Variants in MPHOSPH8 observed in about 807,000 individuals in gnomAD.
The protein encoded by MPHOSPH8 is M-phase phosphoprotein, mpp.
Under a neutral mutation model 87.3 loss-of-function variants are expected in MPHOSPH8, and 45 were observed. The observed-to-expected ratio is 0.52, with a 90% CI of 0.41 to 0.66. MPHOSPH8 has a LOEUF of 0.66. MPHOSPH8 is among the 30% of genes least tolerant of loss of function. The pLI, the probability that MPHOSPH8 is intolerant of heterozygous loss-of-function variation, is 0.00. For missense variants in MPHOSPH8, 883 were observed against 1,020.2 expected, an observed-to-expected ratio of 0.87 and a Z score of 1.83; for synonymous variants, 366 against 376.9, an observed-to-expected ratio of 0.97 and a Z score of 0.33.
intron 1 of MPHOSPH8, among the ~76,000 whole-genome samples, chr13:19,638,671 C>T (rs1021858707): frequency 6.6e-5 from 10 of 151,794 alleles, no homozygotes; most frequent in African/African-American, 1.5e-4. Context: ...AGTTCAGATT[C>T]TACTCAGTGC....
At chr13:19,650,863 G>A (rs1310369050) in intron 5 of MPHOSPH8, among the ~76,000 whole-genome samples, 3 of 152,140 alleles carry the variant, frequency 2.0e-5, no homozygotes, top group Non-Finnish European at 2.9e-5. Flanking sequence ...AGACTAGATC[G>A]CCTGGGAAAC....
intron 1 of MPHOSPH8, among the ~76,000 whole-genome samples, chr13:19,641,507 T>TTTTG (rs1874289340): frequency 8.6e-6 from 1 of 115,884 alleles, no homozygotes; most frequent in Non-Finnish European, 1.7e-5. Flanking sequence ...TTTTTTTTTT[T>TTTTG]GAGACAGAGT....
At position 19,650,236 on chromosome 13, in the gene MPHOSPH8, G is replaced by A. The variant is rs778330655; in HGVS notation, c.1552G>A (p.Val518Met). 5.0e-6 allele frequency: 8 copies of A among 1,613,894 alleles called. 1 individual carries two copies. Among genetic ancestry groups the A allele is most frequent in the African/African-American group, 2.7e-5 (2 of 75,032 alleles). Residue 518 changes from valine (V) to methionine (M), a missense_variant, in exon 5 of 14, where the codon GTG (valine) becomes ATG (methionine). Transcript: ENST00000361479. ...AGGTGATCAGGAGGTTTTAGACAGCGTGTGCCAAGCAGATGAGAATTCAGG... is the reference window on the plus strand; with the variant it reads ...AGGTGATCAGGAGGTTTTAGACAGCATGTGCCAAGCAGATGAGAATTCAGG... ...AEGDQEVLDS[V>M]CQADENSDGR...
chr13:19,634,805 ATC>A (rs1873906410), intron 1 of MPHOSPH8, among the ~76,000 whole-genome samples: 1 of 152,218 alleles, frequency 6.6e-6, no homozygotes, highest in Non-Finnish European at 1.5e-5. Flanking sequence ...TAAGAAAACA[ATC>A]TGTTTCAGTA....
chr13:19,657,566 C>CA lies in MPHOSPH8; in HGVS notation c.1577-1419dup, dbSNP rs1277524642. ...CTGGGGACAGAGCAAGACTCCGTCT[C>CA]AAAAAAAAAAGAAAAGAAAATCAAG... On this transcript the variant is annotated intron_variant, in intron 5 of 13. Coordinates refer to ENST00000361479, the MANE Select transcript of MPHOSPH8 (RefSeq NM_017520.4). 1.9e-3 allele frequency among the ~76,000 whole-genome samples: 276 copies of CA among 144,462 alleles called. 1 individual carries two copies. The highest frequency in any genetic ancestry group is 5.1e-3 in the African/African-American group (199 of 39,342). 94.8% of individuals were successfully genotyped at this position (144,462 alleles called of 152,430 possible).
intron 2 of MPHOSPH8, 120 bp from the exon 3 acceptor site, chr13:19,646,323 A>T: frequency 1.2e-6 from 1 of 861,588 alleles, no homozygotes. Flanking sequence ...AAGCAGTTTT[A>T]AGAAGTTGAG....
At chr13:19,660,078 C>T (rs1875436678) in intron 7 of MPHOSPH8, among the ~76,000 whole-genome samples, 1 of 150,314 alleles carries the variant, frequency 6.7e-6, no homozygotes, top group Non-Finnish European at 1.5e-5. Flanking sequence ...TCTCCTGCCT[C>T]AGCCTCCCGA....
intron 5 of MPHOSPH8, among the ~76,000 whole-genome samples, chr13:19,652,041 G>C (rs7334411): frequency 6.6e-5 from 10 of 152,088 alleles, no homozygotes; most frequent in African/African-American, 2.4e-4. Context: ...GGCAGAGGTT[G>C]TGGTGAGCCA....
intron 1 of MPHOSPH8, 75 bp from the exon 2 acceptor site, chr13:19,642,040 G>T (rs1400332312): frequency 2.9e-5 from 16 of 555,948 alleles, no homozygotes; most frequent in South Asian, 7.3e-5. Context: ...CTTCTCATCA[G>T]TTTTTTTTTT....
Position 19,661,572 on chromosome 13 carries a change from C to T in MPHOSPH8, c.1792-126C>T, listed in dbSNP as rs1037877172. 17 of 964,588 alleles carry T rather than the reference C, an allele frequency of 1.8e-5. No individual in the cohort carries two copies. The Admixed American group carries it at 3.3e-4, about 19-fold the overall frequency. 59.8% of individuals were successfully genotyped at this position (964,588 alleles called of 1,614,324 possible). ...TGGTTGGGATATTTTAGTGAAAATC[C>T]TAAGTAGATGCCTAAATCAGTGCCT... On this transcript the variant is annotated intron_variant, in intron 7 of 13. Coordinates refer to ENST00000361479, the MANE Select transcript of MPHOSPH8 (RefSeq NM_017520.4).
rs911691980 is a variant in MPHOSPH8, at chr13:19,650,132, C to G, written c.1448C>G (p.Thr483Ser). The G allele has an allele frequency of 3.1e-6, 5 of 1,613,842 alleles. No individual in the cohort carries two copies. The African/African-American group carries it at 6.7e-5, about 22-fold the overall frequency. The change falls in exon 5 of 14, where the codon ACC becomes AGC. Residue 483 changes from threonine (T) to serine (S), a missense_variant. Physicochemically the swap from Thr to Ser is moderately conservative, Grantham distance 58. Around this residue, in one of 3 missense-constraint regions of MPHOSPH8, gnomAD observed 741 missense variants for 841.5 expected, o/e 0.88. Coordinates refer to ENST00000361479, the MANE Select transcript of MPHOSPH8 (RefSeq NM_017520.4). ...LDFKTIDDHK[T>S]KENKQSLKER... is the part of the protein sequence containing the mutation. ...TTTAAAACCATAGACGATCACAAAA[C>G]CAAGGAAAACAAACAGTCACTTAAA...
At position 19,670,299 on chromosome 13, in the gene MPHOSPH8, T is replaced by G; in HGVS notation, c.2393T>G (p.Leu798Arg). 6.2e-7 allele frequency: 1 copy of G among 1,614,182 alleles called. No individual in the cohort carries two copies. Among genetic ancestry groups the G allele is most frequent in the Non-Finnish European group, 8.5e-7 (1 of 1,179,958 alleles). Residue 798 changes from leucine (L) to arginine (R), a missense_variant, in exon 12 of 14, where the codon CTC (leucine) becomes CGC (arginine). Leu to Arg is a moderately radical substitution (Grantham distance 102, BLOSUM62 -2). Around this residue, in one of 3 missense-constraint regions of MPHOSPH8, gnomAD observed 741 missense variants for 841.5 expected, o/e 0.88. Coordinates refer to ENST00000361479, the MANE Select transcript of MPHOSPH8 (RefSeq NM_017520.4). ...TTGGGTAAAGAAGTTATTGCTCGGC[T>G]CTGTGGACCGTGTAGTGTACAAGCT... ...NFLGKEVIAR[L>R]CGPCSVQAVV... is the part of the protein sequence containing the mutation.
Position 19,671,915 on chromosome 13 carries a change from T to C in MPHOSPH8, c.*40T>C, listed in dbSNP as rs779277000. On this transcript the variant is annotated 3_prime_UTR_variant, in exon 14 of 14. Coordinates refer to ENST00000361479, the MANE Select transcript of MPHOSPH8 (RefSeq NM_017520.4). The stretch of plus-strand genomic sequence containing the variant: ...CTGGGCGGAGTTCTCTTCAGACCGA[T>C]TCCTATACTCTCTTTGACAGCAGTT... 1.4e-5 allele frequency: 22 copies of C among 1,597,676 alleles called. No homozygotes were observed. The Admixed American group carries it at 1.7e-4, about 12-fold the overall frequency.
rs112914835 is a variant in MPHOSPH8 at position 19,658,921 on chromosome 13, A to G, written c.1577-74A>G. 3,837 of 1,562,594 alleles carry G rather than the reference A, an allele frequency of 2.5e-3. 71 individuals are homozygous for G. The African/African-American group carries it at 0.039, about 16-fold the overall frequency. On this transcript the variant is annotated intron_variant, in intron 5 of 13. Coordinates refer to ENST00000361479, the MANE Select transcript of MPHOSPH8 (RefSeq NM_017520.4). ...ATAAAGCTTTGGTTAAGACACCACA[A>G]ATTTCATAAACAACATTGTGGGTTT...
chr13:19,670,504 T>C, intron 12 of MPHOSPH8, 141 bp downstream of exon 12: 1 of 1,036,716 alleles, frequency 9.6e-7, no homozygotes, highest in South Asian at 1.7e-5. Flanking sequence ...AATGAGGCAA[T>C]ACCCATAAAG....
rs1019234407 is a variant in MPHOSPH8 at position 19,672,852 on chromosome 13, C to A, written c.*977C>A. 1.8e-5 allele frequency: 6 copies of A among 336,052 alleles called. No individual in the cohort carries two copies. Among genetic ancestry groups the A allele is most frequent in the Non-Finnish European group, 2.9e-5 (5 of 171,350 alleles). The allele number at this position is 336,052 out of a possible 1,614,324, so 20.8% of individuals were successfully genotyped here. ...TGGTGGCTCACACCTATAATCCCAG[C>A]GCTTTGGAGGCTGAGGTTGGAGGAT... On this transcript the variant is annotated 3_prime_UTR_variant, in exon 14 of 14. Coordinates refer to ENST00000361479, the MANE Select transcript of MPHOSPH8 (RefSeq NM_017520.4).
At position 19,647,303 on chromosome 13, in the gene MPHOSPH8, G is replaced by A. The variant is rs757440796; in HGVS notation, c.1218+12G>A. On this transcript the variant is annotated intron_variant, in intron 3 of 13. Transcript: ENST00000361479. Reference sequence around the variant, plus strand: ...ACTCAGCCGAGGAGGTAAGGGCCACGGGAGGCAGCAGAAAACCCATGTTGA... The same window carrying A: ...ACTCAGCCGAGGAGGTAAGGGCCACAGGAGGCAGCAGAAAACCCATGTTGA... 48 of 1,568,484 alleles carry A rather than the reference G, an allele frequency of 3.1e-5. No individual in the cohort carries two copies. The East Asian group carries it at 5.8e-4, about 19-fold the overall frequency.
intron 2 of MPHOSPH8, among the ~76,000 whole-genome samples, chr13:19,645,819 G>A (rs994531383): frequency 2.0e-5 from 3 of 151,618 alleles, no homozygotes; most frequent in East Asian, 3.9e-4. Context: ...GGTGGTTTTG[G>A]GAAATGGGAA....
At chr13:19,666,703 GTT>G (rs1875838054) in intron 10 of MPHOSPH8, 124 bp downstream of exon 10, 1 of 813,778 alleles carries the variant, frequency 1.2e-6, no homozygotes, top group African/African-American at 1.7e-5. Context: ...AGTCCTGATG[GTT>G]TTGTTTCCAG....
Sources: gnomAD v4.1 joint callset for allele counts (sites outside exome capture counted in the v4.1 genomes callset) on GRCh38, gnomAD v4.1.1 for gene constraint, gnomAD v4.1.1 regional missense constraint, MANE v1.5 for transcripts, NCBI Gene and HGNC (gene_info 2026-07-23, HGNC 2026-07-21) for gene names.